Variants in CNTNAP5 observed in about 807,000 individuals in gnomAD.
CNTNAP5 encodes contactin associated protein family member 5.
Under a neutral mutation model 150.2 loss-of-function variants are expected in CNTNAP5, and 72 were observed. The observed-to-expected ratio is 0.48, with a 90% CI of 0.40 to 0.58. The LOEUF is 0.58. CNTNAP5 is among the 20% of genes least tolerant of loss of function. CNTNAP5 has a pLI of 0.00. For synonymous variants in CNTNAP5, 672 were observed against 619.8 expected (o/e 1.08, Z -1.25); for missense variants, 1,636 against 1,626.2 (o/e 1.01, Z -0.10).
chr2:124,874,740 AT>A (rs1677819425), intron 21 of CNTNAP5, among the ~76,000 whole-genome samples: 1 of 152,070 alleles, frequency 6.6e-6, no homozygotes. Context: ...GTGGAAAAGA[AT>A]TATAGTACTG....
chr2:124,419,400 C>T (rs1692024281), intron 4 of CNTNAP5, among the ~76,000 whole-genome samples: 2 of 152,086 alleles, frequency 1.3e-5, no homozygotes, highest in Admixed American at 6.6e-5. Flanking sequence ...TGTCTTTGAG[C>T]AGCATGTTTA....
chr2:124,359,394 G>A (rs1043796591), intron 3 of CNTNAP5, among the ~76,000 whole-genome samples: 1 of 151,928 alleles, frequency 6.6e-6, no homozygotes, highest in Admixed American at 6.6e-5. Flanking sequence ...TAATTGTGAT[G>A]TTAGGGTGTC....
intron 11 of CNTNAP5, among the ~76,000 whole-genome samples, chr2:124,586,360 G>T (rs1381468669): frequency 1.3e-5 from 2 of 152,110 alleles, no homozygotes; most frequent in Non-Finnish European, 2.9e-5. Flanking sequence ...AGTCAGGGTC[G>T]CTGAGCCCCT....
intron 4 of CNTNAP5, among the ~76,000 whole-genome samples, chr2:124,428,999 A>C (rs2104789405): frequency 6.6e-6 from 1 of 152,312 alleles, no homozygotes; most frequent in African/African-American, 2.4e-5. Flanking sequence ...GAATCTGCCA[A>C]GATGCTTGTA....
intron 3 of CNTNAP5, among the ~76,000 whole-genome samples, chr2:124,400,681 T>TGTTTG (rs566677506): frequency 1.0e-5 from 1 of 99,682 alleles, no homozygotes; most frequent in Non-Finnish European, 2.4e-5. Context: ...TTTTTTTTTT[T>TGTTTG]TTTTTTTGTT....
chr2:124,877,397 G>A (rs1418351370), intron 21 of CNTNAP5, among the ~76,000 whole-genome samples: 2 of 152,106 alleles, frequency 1.3e-5, no homozygotes, highest in Non-Finnish European at 2.9e-5. Flanking sequence ...CAGCTGGGAG[G>A]AGCTGTTAGT....
intron 12 of CNTNAP5, among the ~76,000 whole-genome samples, chr2:124,634,634 A>T (rs1558713569): frequency 6.6e-6 from 1 of 151,972 alleles, no homozygotes; most frequent in African/African-American, 2.4e-5. Flanking sequence ...CAGCCCCCCA[A>T]GTAGCTGGGA....
intron 1 of CNTNAP5, among the ~76,000 whole-genome samples, chr2:124,203,644 C>A (rs1274830940): frequency 1.3e-5 from 2 of 152,216 alleles, no homozygotes; most frequent in East Asian, 1.9e-4. Context: ...ATCTTGACCT[C>A]TGTGCACCCA....
chr2:124,652,762 C>T (rs1678350085), intron 13 of CNTNAP5, among the ~76,000 whole-genome samples: 1 of 152,170 alleles, frequency 6.6e-6, no homozygotes, highest in African/African-American at 2.4e-5. Flanking sequence ...TGAAAGTCCC[C>T]CGCCACTGGA....
chr2:124,398,480 C>CTTTTA (rs1553464687), intron 3 of CNTNAP5, among the ~76,000 whole-genome samples: 34 of 147,988 alleles, frequency 2.3e-4, no homozygotes, highest in Middle Eastern at 3.5e-3. Flanking sequence ...GAAATTTTTA[C>CTTTTA]TTTATTTATT....
intron 6 of CNTNAP5, among the ~76,000 whole-genome samples, chr2:124,452,294 G>C (rs1285127489): frequency 6.6e-6 from 1 of 151,964 alleles, no homozygotes; most frequent in African/African-American, 2.4e-5. Context: ...CTGACAACCT[G>C]CATGACACAG....
At chr2:124,356,806 C>A (rs1237891017) in intron 3 of CNTNAP5, among the ~76,000 whole-genome samples, 6 of 151,238 alleles carry the variant, frequency 4.0e-5, no homozygotes, top group South Asian at 2.1e-4. Context: ...ATTTATAGTC[C>A]TTTGGGTATA....
intron 3 of CNTNAP5, among the ~76,000 whole-genome samples, chr2:124,341,994 C>T (rs1000485389): frequency 3.0e-4 from 45 of 151,990 alleles, no homozygotes; most frequent in Admixed American, 9.2e-4. Flanking sequence ...AACCAGGTAC[C>T]GGAGGAGACC....
chr2:124,597,439 A>ATTCTTT (rs1696854324), intron 11 of CNTNAP5, among the ~76,000 whole-genome samples: 1 of 148,344 alleles, frequency 6.7e-6, no homozygotes, highest in Non-Finnish European at 1.5e-5. Flanking sequence ...TGGGTTGAAA[A>ATTCTTT]TTCTTTTCTT....
At chr2:124,279,421 T>A (rs1465370411) in intron 3 of CNTNAP5, among the ~76,000 whole-genome samples, 1 of 152,004 alleles carries the variant, frequency 6.6e-6, no homozygotes, top group African/African-American at 2.4e-5. Context: ...CAGAATTCTG[T>A]GTAGTATGAG....
At position 124,512,491 on chromosome 2, in the gene CNTNAP5, T is replaced by C. The variant is rs1346897040; in HGVS notation, c.1327+7935T>C. ...CTAATCACCTGGGACAGACAAAATCTCTGGACAAAAGGTGACATGGACAGC... is the reference window on the plus strand; with the variant it reads ...CTAATCACCTGGGACAGACAAAATCCCTGGACAAAAGGTGACATGGACAGC... On this transcript the variant is annotated intron_variant, in intron 8 of 23. Coordinates refer to ENST00000682447, the MANE Select transcript of CNTNAP5 (RefSeq NM_001367498.1). Among the ~76,000 whole-genome samples the C allele has an allele frequency of 4.6e-5, 7 of 151,884 alleles. 1 individual carries two copies. Among genetic ancestry groups the C allele is most frequent in the Admixed American group, 3.9e-4 (6 of 15,240 alleles).
intron 1 of CNTNAP5, among the ~76,000 whole-genome samples, chr2:124,179,598 A>G (rs1422771045): frequency 6.6e-6 from 1 of 152,214 alleles, no homozygotes; most frequent in East Asian, 1.9e-4. Context: ...TGATTACATT[A>G]TTGTATGATG....
intron 12 of CNTNAP5, 47 bp downstream of exon 12, chr2:124,609,967 G>T (rs752130977): frequency 6.4e-7 from 1 of 1,557,758 alleles, no homozygotes. Flanking sequence ...CCACTTCATG[G>T]AAGGAAGCAA....
Position 124,504,421 on chromosome 2 carries a change from A to G in CNTNAP5, c.1192A>G (p.Thr398Ala). The G allele has an allele frequency of 1.2e-6, 2 of 1,613,884 alleles. No individual in the cohort carries two copies. The highest frequency in any genetic ancestry group is 1.7e-6 in the Non-Finnish European group (2 of 1,179,846). Residue 398 changes from threonine to alanine, a missense_variant, in exon 8 of 24, where the codon ACA becomes GCA. Coordinates refer to ENST00000682447, the MANE Select transcript of CNTNAP5 (RefSeq NM_001367498.1). ...GCTCTCAGTGAGTTTCCAGTTTCGA[A>G]CATGGAACAAGGATGGTCTGCTTCT... The part of the protein sequence containing the change: ...DGLSVSFQFR[T>A]WNKDGLLLST...
Sources: gnomAD v4.1 joint callset for allele counts (sites outside exome capture counted in the v4.1 genomes callset) on GRCh38, gnomAD v4.1.1 for gene constraint, MANE v1.5 for transcripts, NCBI Gene and HGNC (gene_info 2026-07-23, HGNC 2026-07-21) for gene names.